INO80: variants seen among roughly 807,000 people sequenced by gnomAD.
INO80 encodes the protein INO80 complex ATPase subunit, also known as chromatin-remodeling ATPase INO80.
INO80 carries 20 observed loss-of-function variants against 203.4 expected under a neutral mutation model. That is an observed-to-expected ratio of 0.10 (90% CI 0.07 to 0.14). The LOEUF is 0.14. Ranked by LOEUF, INO80 falls within the 10% of genes least tolerant of loss-of-function variation. The pLI is 1.00. For missense variants in INO80, 1,419 were observed against 1,914.4 expected, an observed-to-expected ratio of 0.74 and a Z score of 4.83; for synonymous variants, 726 against 685.2, an observed-to-expected ratio of 1.06 and a Z score of -0.93.
chr15:41,108,452 C>T (rs1015818198), intron 1 of INO80, among the ~76,000 whole-genome samples: 2 of 151,780 alleles, frequency 1.3e-5, no homozygotes, highest in Non-Finnish European at 2.9e-5. Flanking sequence ...ATTAGCCGGG[C>T]GTGGTGGTGG....
In INO80 at chr15:41,074,478, G is replaced by C. The variant is rs148514371; in HGVS notation, c.1219C>G (p.His407Asp). ...AGGATTTCTTCCTGGATACCATCATGACCCATATCTCGTTTGCGACTCATG... is the reference window on the plus strand; with the variant it reads ...AGGATTTCTTCCTGGATACCATCATCACCCATATCTCGTTTGCGACTCATG... ...HFMSRKRDMG[H>D]DGIQEEILRK... is the part of the protein sequence containing the mutation. Residue 407 changes from histidine (H) to aspartate (D), a missense_variant, in exon 10 of 36, where the codon CAT becomes GAT. Coordinates refer to ENST00000648947, the MANE Select transcript of INO80 (RefSeq NM_017553.3). 1 of 1,613,744 alleles carries C rather than the reference G, an allele frequency of 6.2e-7. No individual in the cohort carries two copies. The highest frequency in any genetic ancestry group is 8.5e-7 in the Non-Finnish European group (1 of 1,179,764).
intron 5 of INO80, among the ~76,000 whole-genome samples, chr15:41,088,246 C>A (rs147668602): frequency 6.6e-6 from 1 of 151,890 alleles, no homozygotes; most frequent in Non-Finnish European, 1.5e-5. Context: ...CACGCCACCA[C>A]ACCCAGCTGA....
Position 40,997,552 on chromosome 15 carries a change from T to C in INO80, c.3547A>G (p.Ile1183Val). 6.2e-7 allele frequency: 1 copy of C among 1,611,516 alleles called. No homozygotes were observed. Among genetic ancestry groups the C allele is most frequent in the South Asian group, 1.1e-5 (1 of 91,032 alleles). ...LLSTRAGGLG[I>V]NLTAADTVIF... is the part of the protein sequence containing the mutation. ...ACTGTGTCTGCAGCAGTGAGATTGA[T>C]ACCCAGTCCTCCAGCTCGTGTGCTT... The change falls in exon 29 of 36, where the codon ATC becomes GTC. Residue 1183 changes from isoleucine (I) to valine (V), a missense_variant. Around this residue, in one of 9 missense-constraint regions of INO80, gnomAD observed 65 missense variants for 186.7 expected, o/e 0.35. Coordinates refer to ENST00000648947, the MANE Select transcript of INO80 (RefSeq NM_017553.3).
intron 1 of INO80, among the ~76,000 whole-genome samples, chr15:41,112,917 TTTG>T (rs924428372): frequency 7.2e-5 from 11 of 151,956 alleles, no homozygotes; most frequent in African/African-American, 1.4e-4. Flanking sequence ...TCATGTGTAT[TTTG>T]TTGTTGTTGT....
intron 29 of INO80, 71 bp from the exon 30 acceptor site, chr15:40,988,045 A>C (rs2043763257): frequency 7.3e-7 from 1 of 1,378,336 alleles, no homozygotes; most frequent in African/African-American, 1.4e-5. Context: ...AACCCAGCCA[A>C]TTGTCTGTTT....
In INO80 at chr15:40,984,327, C is replaced by T. The variant is rs749596404; in HGVS notation, c.3947G>A (p.Gly1316Glu). ...GTTCACACCCTCTTTTCTCCTTTTC[C>T]CATCCAATTCATCTTCTTTTTTCTT... Reference protein sequence around the residue: ...EKKKKEDELDGKRRKEGVNLV... With the variant: ...EKKKKEDELDEKRRKEGVNLV... Residue 1316 changes from glycine to glutamate, a missense_variant, in exon 33 of 36, where the codon GGG becomes GAG. By Grantham distance (98) the Gly-to-Glu change is moderately conservative. Coordinates refer to ENST00000648947, the MANE Select transcript of INO80 (RefSeq NM_017553.3). 1 of 1,614,110 alleles carries T rather than the reference C, an allele frequency of 6.2e-7. No homozygotes were observed. The highest frequency in any genetic ancestry group is 1.7e-5 in the Admixed American group (1 of 60,012).
intron 16 of INO80, among the ~76,000 whole-genome samples, chr15:41,057,797 CAAAAAAAAA>C (rs35197370): frequency 1.7e-4 from 5 of 29,350 alleles, no homozygotes; most frequent in African/African-American, 4.7e-4. Context: ...AACTACATCT[CAAAAAAAAA>C]AAAAAAAAAA....
rs752372267 is a variant in INO80, at chr15:41,070,553, G to GA, written c.1606-7dup. On this transcript the variant is annotated splice_region_variant and splice_polypyrimidine_tract_variant and intron_variant, in intron 12 of 35. Transcript: ENST00000648947. ...GCAAGAATGCCATTAATACCCTGGG[G>GA]AAAAAAAATACATGGTCAACACCTC... 1.3e-5 allele frequency: 21 copies of GA among 1,608,278 alleles called. No homozygotes were observed. Among genetic ancestry groups the GA allele is most frequent in the East Asian group, 2.2e-5 (1 of 44,806 alleles).
At chr15:41,036,292 T>G (rs985314634) in intron 24 of INO80, among the ~76,000 whole-genome samples, 3 of 151,844 alleles carry the variant, frequency 2.0e-5, no homozygotes, top group African/African-American at 7.3e-5. Flanking sequence ...AGATAACATG[T>G]TATATAACTA....
chr15:40,993,055 A>G (rs1307189396), intron 29 of INO80, among the ~76,000 whole-genome samples: 1 of 152,154 alleles, frequency 6.6e-6, no homozygotes, highest in Admixed American at 6.5e-5. Context: ...TCGGCCTCCC[A>G]AACTGCAGGG....
At chr15:41,052,496 G>C (rs1336163416) in intron 19 of INO80, among the ~76,000 whole-genome samples, 2 of 151,458 alleles carry the variant, frequency 1.3e-5, no homozygotes, top group East Asian at 2.0e-4. Flanking sequence ...AACATAGCAA[G>C]ATCCTGTCTC....
At chr15:41,090,680 T>C (rs1255732712) in intron 5 of INO80, among the ~76,000 whole-genome samples, 1 of 152,106 alleles carries the variant, frequency 6.6e-6, no homozygotes, top group African/African-American at 2.4e-5. Flanking sequence ...TATGAGGTGA[T>C]GCAAATGTTC....
At chr15:41,087,792 T>C (rs777031103) in intron 5 of INO80, 110 bp from the exon 6 acceptor site, 8 of 1,084,854 alleles carry the variant, frequency 7.4e-6, no homozygotes, top group Non-Finnish European at 1.0e-5. Context: ...AATACAGTAT[T>C]CTTCCCACAA....
rs1184115821 is a variant in INO80 at position 41,031,612 on chromosome 15, A to AGGGAG, written c.2908-3877_2908-3876insCTCCC. Among the ~76,000 whole-genome samples the AGGGAG allele has an allele frequency of 7.5e-3, 5 of 666 alleles. 2 individuals are homozygous for AGGGAG. The highest frequency in any genetic ancestry group is 9.1e-3 in the African/African-American group (5 of 550). 0.4% of individuals were successfully genotyped at this position (666 alleles called of 152,430 possible). ...AAGGGAGGGAGGGAGGGAGGAAGGGAGGAGGGAGGAAGGGAGGAAGGGAGG... is the reference window on the plus strand; with the variant it reads ...AAGGGAGGGAGGGAGGGAGGAAGGGAGGGAGGGAGGGAGGAAGGGAGGAAGGGAGG... On this transcript the variant is annotated intron_variant, in intron 24 of 35. Coordinates refer to ENST00000648947, the MANE Select transcript of INO80 (RefSeq NM_017553.3).
intron 1 of INO80, among the ~76,000 whole-genome samples, chr15:41,105,642 T>G (rs962723893): frequency 5.9e-5 from 9 of 152,326 alleles, no homozygotes; most frequent in African/African-American, 2.2e-4. Flanking sequence ...ACTGGAGTAC[T>G]TCAAGGAGAA....
intron 28 of INO80, chr15:41,004,706 T>C (rs1376422823): frequency 6.6e-6 from 1 of 152,212 alleles, no homozygotes; most frequent in Non-Finnish European, 1.5e-5. Flanking sequence ...TGAAATTTCA[T>C]AGGCTCATTA....
chr15:41,003,610 G>A lies in INO80; in HGVS notation c.3497+1983C>T, dbSNP rs549660440. Among the ~76,000 whole-genome samples, 15 of 152,122 alleles carry A rather than the reference G, an allele frequency of 9.9e-5. No individual in the cohort carries two copies. The East Asian group carries it at 1.7e-3, about 18-fold the overall frequency. On this transcript the variant is annotated intron_variant, in intron 28 of 35. Transcript: ENST00000648947. ...CTCCCAAAGTGCTGGGATTACAGGC[G>A]TGAGCCACTGTGCCTGGACTTTATT... is the stretch of plus-strand genomic sequence containing the variant.
At chr15:41,073,679 G>A (rs2045358578) in intron 10 of INO80, among the ~76,000 whole-genome samples, 184 bp from the exon 11 acceptor site, 1 of 152,108 alleles carries the variant, frequency 6.6e-6, no homozygotes, top group African/African-American at 2.4e-5. Context: ...TGGAGGTGGA[G>A]GACTGCCATG....
chr15:41,108,713 T>C (rs528234067), intron 1 of INO80, among the ~76,000 whole-genome samples: 15 of 152,010 alleles, frequency 9.9e-5, no homozygotes, highest in Non-Finnish European at 2.1e-4. Flanking sequence ...TAATCATATA[T>C]AGCATTTATT....
Sources: allele counts gnomAD v4.1 joint callset (sites outside exome capture counted in the v4.1 genomes callset), GRCh38; gene constraint gnomAD v4.1.1; regional missense constraint gnomAD v4.1.1; transcripts MANE v1.5; gene names NCBI Gene and HGNC (gene_info 2026-07-23, HGNC 2026-07-21).